The following CBFA2T3 variants were observed in gnomAD, a reference collection of about 807,000 sequenced individuals.
CBFA2T3 encodes the protein transcriptional corepressor CBFA2T3.
Under a neutral mutation model 58.6 loss-of-function variants are expected in CBFA2T3, and 31 were observed. The ratio of observed to expected loss-of-function variants is 0.53; its 90% CI spans 0.40 to 0.71. The LOEUF (loss-of-function observed/expected upper bound fraction) is 0.71. Ranked by LOEUF, CBFA2T3 falls within the 30% of genes least tolerant of loss-of-function variation. The pLI is 0.00. For missense variants in CBFA2T3, 1,076 were observed against 963.1 expected (o/e 1.12, Z -1.55); for synonymous variants, 531 against 421.9 (o/e 1.26, Z -3.17).
intron 8 of CBFA2T3, among the ~76,000 whole-genome samples, 200 bp downstream of exon 8, chr16:88,882,476 G>A (rs940746001): frequency 6.3e-5 from 9 of 143,584 alleles, no homozygotes; most frequent in African/African-American, 2.3e-4. Context: ...CGTGGGGGTG[G>A]CTGTGTGTGA....
At position 88,921,722 on chromosome 16, in the gene CBFA2T3, G is replaced by A. The variant is rs180733849; in HGVS notation, c.152-20066C>T. On this transcript the variant is annotated intron_variant, in intron 1 of 11. Coordinates refer to ENST00000268679, the MANE Select transcript of CBFA2T3 (RefSeq NM_005187.6). Reference sequence around the variant, plus strand: ...ACCCCTGGGAATTAGGATCCTGTCAGCTGCCATTTCCTGAGCCGTACATCC... The same window carrying A: ...ACCCCTGGGAATTAGGATCCTGTCAACTGCCATTTCCTGAGCCGTACATCC... Among the ~76,000 whole-genome samples the A allele has an allele frequency of 2.5e-3, 383 of 152,350 alleles. 1 individual carries two copies. Among genetic ancestry groups the A allele is most frequent in the African/African-American group, 8.5e-3 (355 of 41,574 alleles).
intron 5 of CBFA2T3, among the ~76,000 whole-genome samples, chr16:88,891,637 G>C (rs953585252): frequency 6.6e-6 from 1 of 152,194 alleles, no homozygotes; most frequent in Admixed American, 6.5e-5. Flanking sequence ...TAATCATCCG[G>C]TCTGGCAACT....
At chr16:88,938,887 G>C (rs1971603675) in intron 1 of CBFA2T3, 1 of 152,162 alleles carries the variant, frequency 6.6e-6, no homozygotes, top group African/African-American at 2.4e-5. Context: ...GGGAAGGGGG[G>C]AGGCCAGCGG....
chr16:88,891,701 C>T (rs1437011600), intron 5 of CBFA2T3, among the ~76,000 whole-genome samples, 181 bp downstream of exon 5: 2 of 152,076 alleles, frequency 1.3e-5, no homozygotes, highest in Non-Finnish European at 2.9e-5. Context: ...GCAGTGCTCC[C>T]CTAGGGTACC....
rs538328915 is a variant in CBFA2T3 at position 88,902,807 on chromosome 16, G to A, written c.152-1151C>T. ...GCAGCAAGGTAGGCATCCTCAATCT[G>A]CTGAATACCGGACTGCCCCGCACCC... is the stretch of plus-strand genomic sequence containing the variant. On this transcript the variant is annotated intron_variant, in intron 1 of 11. Coordinates refer to ENST00000268679, the MANE Select transcript of CBFA2T3 (RefSeq NM_005187.6). Among the ~76,000 whole-genome samples the A allele has an allele frequency of 9.9e-5, 15 of 152,270 alleles. 2 individuals are homozygous for A. In the South Asian group the frequency reaches 3.1e-3, roughly 32 times the overall value.
chr16:88,917,307 G>C (rs957808012), intron 1 of CBFA2T3, among the ~76,000 whole-genome samples: 1 of 152,166 alleles, frequency 6.6e-6, no homozygotes, highest in Non-Finnish European at 1.5e-5. Flanking sequence ...TGGTTCTGAA[G>C]GCTGCGGAAC....
intron 1 of CBFA2T3, among the ~76,000 whole-genome samples, chr16:88,904,999 C>G (rs554115414): frequency 6.6e-6 from 1 of 152,212 alleles, no homozygotes; most frequent in East Asian, 1.9e-4. Context: ...AGACTCTACC[C>G]GAGAAAGCAG....
At chr16:88,934,065 C>T (rs1397667323) in intron 1 of CBFA2T3, among the ~76,000 whole-genome samples, 1 of 152,278 alleles carries the variant, frequency 6.6e-6, no homozygotes, top group East Asian at 1.9e-4. Flanking sequence ...GTCTCTTCTT[C>T]CCTTTTTCAA....
chr16:88,885,075 C>G lies in CBFA2T3; in HGVS notation c.1088G>C (p.Arg363Pro). ...FRDAYRHPDP[R>P]ELRERHRPLV... ...CGGCCGATGGCGCTCTCGTAGCTCC[C>G]GGGGGTCTGGGTGGCGGTAGGCATC... The change falls in exon 7 of 12, where the codon CGG (arginine) becomes CCG (proline). Residue 363 changes from arginine (R) to proline (P), a missense_variant. Transcript: ENST00000268679. This position sits in a 1 kb window ranked among gnomAD's most constrained non-coding sequence, Gnocchi z 5.3. The G allele has an allele frequency of 6.2e-7, 1 of 1,601,470 alleles. No individual in the cohort carries two copies. Among genetic ancestry groups the G allele is most frequent in the Non-Finnish European group, 8.5e-7 (1 of 1,177,614 alleles).
chr16:88,933,344 G>A (rs1273519869), intron 1 of CBFA2T3, among the ~76,000 whole-genome samples: 5 of 70,192 alleles, frequency 7.1e-5, no homozygotes, highest in African/African-American at 3.1e-4. Context: ...ACGTCTGCAC[G>A]CCTCTGCACA....
chr16:88,944,389 C>G (rs559509553), intron 1 of CBFA2T3, among the ~76,000 whole-genome samples: 2 of 150,878 alleles, frequency 1.3e-5, no homozygotes, highest in African/African-American at 4.9e-5. Context: ...CATGGCATGG[C>G]AGCGTTTCCA....
Position 88,885,276 on chromosome 16 carries a change from C to T in CBFA2T3, c.894-7G>A. 2 of 1,524,930 alleles carry T rather than the reference C, an allele frequency of 1.3e-6. No individual in the cohort carries two copies. Among genetic ancestry groups the T allele is most frequent in the African/African-American group, 1.4e-5 (1 of 72,374 alleles). The allele number at this position is 1,524,930 out of a possible 1,614,324, so 94.5% of individuals were successfully genotyped here. On this transcript the variant is annotated splice_polypyrimidine_tract_variant and splice_region_variant and intron_variant, in intron 6 of 11. Transcript: ENST00000268679. This position sits in a 1 kb window ranked among gnomAD's most constrained non-coding sequence, Gnocchi z 5.3. Reference sequence around the variant, plus strand: ...TGACCCGTTCTCTTTGGTCCTAGCCCCAAGAGCAGGTGGGGCGAGGGCAGT... The same window carrying T: ...TGACCCGTTCTCTTTGGTCCTAGCCTCAAGAGCAGGTGGGGCGAGGGCAGT...
chr16:88,882,251 G>A (rs1012244566), intron 8 of CBFA2T3, among the ~76,000 whole-genome samples: 1 of 152,374 alleles, frequency 6.6e-6, no homozygotes, highest in East Asian at 1.9e-4. Flanking sequence ...CAGGCCCCAT[G>A]GGGCAGAGCC....
In CBFA2T3 at chr16:88,876,354, TCGCTGATCAGCCTCACGCCCCTG is replaced by T. The variant is rs1310119013; in HGVS notation, c.*599_*621del. 1 of 229,042 alleles carries T rather than the reference TCGCTGATCAGCCTCACGCCCCTG, an allele frequency of 4.4e-6. No homozygotes were observed. Among genetic ancestry groups the T allele is most frequent in the Non-Finnish European group, 8.7e-6 (1 of 115,498 alleles). 14.2% of individuals were successfully genotyped at this position (229,042 alleles called of 1,614,324 possible). ...GAAATCGAAATCTTTCCTCCCGTCT[TCGCTGATCAGCCTCACGCCCCTG>T]GGGGAGGGGCACAGCTGGGTTCAGA... is the stretch of plus-strand genomic sequence containing the variant. On this transcript the variant is annotated 3_prime_UTR_variant, in exon 12 of 12. Coordinates refer to ENST00000268679, the MANE Select transcript of CBFA2T3 (RefSeq NM_005187.6).
chr16:88,905,696 A>AGGAGGGGCGGGGCT (rs1368254587), intron 1 of CBFA2T3, among the ~76,000 whole-genome samples: 1 of 85,860 alleles, frequency 1.2e-5, no homozygotes, highest in Non-Finnish European at 2.3e-5. Flanking sequence ...GCGGGGCTGA[A>AGGAGGGGCGGGGCT]GGAGGGGCGG....
At chr16:88,930,100 T>C (rs35672866) in intron 1 of CBFA2T3, among the ~76,000 whole-genome samples, 1,010 of 47,224 alleles carry the variant, frequency 0.021, no homozygotes, top group Middle Eastern at 0.033. Context: ...ATGGTCCACG[T>C]AAAAGCTACC....
intron 1 of CBFA2T3, among the ~76,000 whole-genome samples, chr16:88,948,304 G>A (rs1057400219): frequency 6.6e-6 from 1 of 152,248 alleles, no homozygotes; most frequent in Non-Finnish European, 1.5e-5. Flanking sequence ...AGACACATTC[G>A]TGGCGAGTGG....
At chr16:88,911,163 T>C (rs1424139138) in intron 1 of CBFA2T3, among the ~76,000 whole-genome samples, 1 of 152,248 alleles carries the variant, frequency 6.6e-6, no homozygotes, top group African/African-American at 2.4e-5. Flanking sequence ...GGGCGGACCC[T>C]TCCTCTGGCC....
intron 3 of CBFA2T3, 139 bp downstream of exon 3, chr16:88,897,939 C>T: frequency 2.9e-6 from 2 of 685,686 alleles, no homozygotes; most frequent in Non-Finnish European, 5.2e-6. Context: ...GAGGCAAGAC[C>T]AACACAACAG....
Sources: allele counts gnomAD v4.1 joint callset (sites outside exome capture counted in the v4.1 genomes callset), GRCh38; gene constraint gnomAD v4.1.1; non-coding constraint Gnocchi (gnomAD v3.1); transcripts MANE v1.5; gene names NCBI Gene and HGNC (gene_info 2026-07-23, HGNC 2026-07-21).